PLEKHA6: variants seen among roughly 807,000 people sequenced by gnomAD.
The protein encoded by PLEKHA6 is pleckstrin homology domain containing A6.
Under a neutral mutation model 116.7 loss-of-function variants are expected in PLEKHA6, and 60 were observed. That is an observed-to-expected ratio of 0.51 (90% CI 0.42 to 0.64). The LOEUF (loss-of-function observed/expected upper bound fraction) is 0.64. PLEKHA6 is among the 30% of genes least tolerant of loss of function. PLEKHA6 has a pLI of 0.00. For missense variants in PLEKHA6, 1,338 were observed against 1,422.7 expected, an observed-to-expected ratio of 0.94 and a Z score of 0.96; for synonymous variants, 489 against 556.1, an observed-to-expected ratio of 0.88 and a Z score of 1.70.
chr1:204,231,354 C>T (rs1661155966), intron 17 of PLEKHA6, among the ~76,000 whole-genome samples: 1 of 152,110 alleles, frequency 6.6e-6, no homozygotes, highest in African/African-American at 2.4e-5. Flanking sequence ...TAGAGTTATG[C>T]CTCAGTATCC....
intron 1 of PLEKHA6, among the ~76,000 whole-genome samples, chr1:204,285,822 G>A (rs1461284946): frequency 1.3e-5 from 2 of 152,198 alleles, no homozygotes; most frequent in African/African-American, 4.8e-5. Context: ...GAGAAGAGTT[G>A]GAGAAGGAAG....
intron 1 of PLEKHA6, among the ~76,000 whole-genome samples, chr1:204,298,869 T>C (rs900733033): frequency 1.7e-4 from 26 of 152,222 alleles, no homozygotes; most frequent in Admixed American, 9.2e-4. Flanking sequence ...GGCAATTCTA[T>C]TGGTGATGTG....
In PLEKHA6 at chr1:204,261,414, C is replaced by T. The variant is rs1389865747; in HGVS notation, c.416G>A (p.Ser139Asn). ...CTCTTGCTCCTCGGGGCTCTCGGCA[C>T]TGAAGAAGTAGGTGCGGACCCCGGC... Reference protein sequence around the residue: ...EHAGVRTYFFSAESPEEQEAW... With the variant: ...EHAGVRTYFFNAESPEEQEAW... The change falls in exon 7 of 23, where the codon AGT becomes AAT. Residue 139 changes from serine to asparagine, a missense_variant. Physicochemically the swap from Ser to Asn is conservative, Grantham distance 46. Around this residue, in one of 3 missense-constraint regions of PLEKHA6, gnomAD observed 140 missense variants for 197.4 expected, o/e 0.71. Coordinates refer to ENST00000272203, the MANE Select transcript of PLEKHA6 (RefSeq NM_014935.5). The surrounding 1 kb of genome is among the most constrained non-coding windows in gnomAD (Gnocchi z 4.0). The T allele has an allele frequency of 6.2e-7, 1 of 1,613,800 alleles. No individual in the cohort carries two copies.
Position 204,259,628 on chromosome 1 carries a change from C to A in PLEKHA6, c.637G>T (p.Gly213Cys), listed in dbSNP as rs780940818. The A allele has an allele frequency of 1.2e-6, 2 of 1,614,192 alleles. No homozygotes were observed. The highest frequency in any genetic ancestry group is 1.7e-6 in the Non-Finnish European group (2 of 1,180,042). The change falls in exon 8 of 23, where the codon GGC becomes TGC. Residue 213 changes from glycine to cysteine, a missense_variant. Coordinates refer to ENST00000272203, the MANE Select transcript of PLEKHA6 (RefSeq NM_014935.5). The surrounding 1 kb of genome is among the most constrained non-coding windows in gnomAD (Gnocchi z 4.6). ...CTCTCTGCCTTCTCACAGCCTCGGC[C>A]ATCACCCTCCCCTCGAGTCTTGGCC... ...PEAKTRGEGD[G>C]RGCEKAERRP...
intron 17 of PLEKHA6, among the ~76,000 whole-genome samples, chr1:204,235,655 C>A (rs554794700): frequency 7.9e-5 from 12 of 152,092 alleles, no homozygotes; most frequent in Non-Finnish European, 1.6e-4. Flanking sequence ...GAATGGGACT[C>A]TGAAACTTAG....
chr1:204,373,435 G>A (rs1428587409), intron 1 of PLEKHA6, among the ~76,000 whole-genome samples: 1 of 151,978 alleles, frequency 6.6e-6, no homozygotes, highest in Non-Finnish European at 1.5e-5. Context: ...GCCCAGGTTG[G>A]TTACAAACTC....
intron 1 of PLEKHA6, among the ~76,000 whole-genome samples, chr1:204,349,968 C>T (rs1404209352): frequency 3.3e-5 from 5 of 152,194 alleles, no homozygotes; most frequent in Non-Finnish European, 5.9e-5. Context: ...AAGGGTAACA[C>T]GCATGTGCTC....
intron 1 of PLEKHA6, among the ~76,000 whole-genome samples, chr1:204,339,263 C>T (rs1039544963): frequency 5.5e-4 from 84 of 152,202 alleles, no homozygotes; most frequent in African/African-American, 2.0e-3. Flanking sequence ...AGGATGGCCA[C>T]GGCCGGAAAT....
chr1:204,278,177 T>G (rs1228617842), intron 1 of PLEKHA6, among the ~76,000 whole-genome samples: 1 of 152,250 alleles, frequency 6.6e-6, no homozygotes, highest in Non-Finnish European at 1.5e-5. Flanking sequence ...ATCCTTGGAC[T>G]GCAAGGGCCT....
intron 1 of PLEKHA6, among the ~76,000 whole-genome samples, chr1:204,374,527 C>G (rs1248485332): frequency 6.6e-6 from 1 of 152,188 alleles, no homozygotes; most frequent in African/African-American, 2.4e-5. Flanking sequence ...TCCTTTAATA[C>G]TTGTCTTCCT....
At chr1:204,327,225 T>C (rs1250008169) in intron 1 of PLEKHA6, among the ~76,000 whole-genome samples, 1 of 152,196 alleles carries the variant, frequency 6.6e-6, no homozygotes, top group African/African-American at 2.4e-5. Context: ...TTCTTCCTCG[T>C]TTAATGCCCA....
At chr1:204,341,176 T>C (rs1374685199) in intron 1 of PLEKHA6, among the ~76,000 whole-genome samples, 2 of 152,170 alleles carry the variant, frequency 1.3e-5, no homozygotes, top group Non-Finnish European at 2.9e-5. Context: ...TCCTCTTGGA[T>C]CAGGAAGGCA....
intron 1 of PLEKHA6, among the ~76,000 whole-genome samples, chr1:204,329,527 C>T (rs1332577338): frequency 6.6e-6 from 1 of 152,188 alleles, no homozygotes; most frequent in Non-Finnish European, 1.5e-5. Flanking sequence ...ATCATCTAGG[C>T]TGCCAATATC....
At chr1:204,255,521 A>G (rs1665156174) in intron 9 of PLEKHA6, 2 of 670,026 alleles carry the variant, frequency 3.0e-6, no homozygotes, top group Admixed American at 2.2e-5. Flanking sequence ...TCCTGCTTGC[A>G]CCAACAAAGG....
chr1:204,268,515 C>T (rs944774358), intron 3 of PLEKHA6, among the ~76,000 whole-genome samples: 1 of 151,296 alleles, frequency 6.6e-6, no homozygotes, highest in East Asian at 1.9e-4. Context: ...TTTCTCATTT[C>T]TAAAATAGGG....
intron 3 of PLEKHA6, among the ~76,000 whole-genome samples, chr1:204,366,919 G>C (rs1673672238): frequency 1.3e-5 from 2 of 152,232 alleles, no homozygotes; most frequent in Admixed American, 1.3e-4. Context: ...GAAAGGGGAT[G>C]AGACAAGGGT....
chr1:204,223,390 A>T lies in PLEKHA6; in HGVS notation c.*8+72T>A. 1 of 772,516 alleles carries T rather than the reference A, an allele frequency of 1.3e-6. No homozygotes were observed. Among genetic ancestry groups the T allele is most frequent in the Non-Finnish European group, 2.3e-6 (1 of 435,056 alleles). The allele number at this position is 772,516 out of a possible 1,614,324, so 47.9% of individuals were successfully genotyped here. ...AAGCAATACCAAAATGAGAGGGCAT[A>T]GATGGCTCAATGGGGGTGAAGGAAG... On this transcript the variant is annotated intron_variant, in intron 22 of 22. Transcript: ENST00000272203. The surrounding 1 kb of genome is among the most constrained non-coding windows in gnomAD (Gnocchi z 4.8).
At position 204,339,240 on chromosome 1, in the gene PLEKHA6, G is replaced by T. The variant is rs146741402; in HGVS notation, c.-95+20454C>A. On this transcript the variant is annotated intron_variant, in intron 1 of 22. Transcript: ENST00000272203. ...AGGAGCCTCCCTGGCAGCCCAGCCA[G>T]TCGAGCCTTCAGAGGATGGCCACGG... is the stretch of plus-strand genomic sequence containing the variant. Among the ~76,000 whole-genome samples the T allele has an allele frequency of 2.3e-3, 349 of 152,324 alleles. 4 individuals carry two copies. The highest frequency in any genetic ancestry group is 0.017 in the Admixed American group (264 of 15,308).
chr1:204,222,247 G>C lies in PLEKHA6; in HGVS notation c.*541C>G, dbSNP rs1659726400. The C allele has an allele frequency of 6.5e-6, 1 of 152,746 alleles. No homozygotes were observed. Among genetic ancestry groups the C allele is most frequent in the African/African-American group, 2.4e-5 (1 of 41,404 alleles). The allele number at this position is 152,746 out of a possible 1,614,324, so 9.5% of individuals were successfully genotyped here. A position where few individuals can be genotyped will look rare whatever the true frequency, so the allele number is the denominator to read the frequency against. Reference sequence around the variant, plus strand: ...CGAGCACCCATAAGCAAAGCACTGGGTTTGTGTCAAAGCCCTGGGTCCAGC... The same window carrying C: ...CGAGCACCCATAAGCAAAGCACTGGCTTTGTGTCAAAGCCCTGGGTCCAGC... On this transcript the variant is annotated 3_prime_UTR_variant, in exon 23 of 23. Coordinates refer to ENST00000272203, the MANE Select transcript of PLEKHA6 (RefSeq NM_014935.5).
Sources: gnomAD v4.1 joint callset for allele counts (sites outside exome capture counted in the v4.1 genomes callset) on GRCh38, gnomAD v4.1.1 for gene constraint, gnomAD v4.1.1 regional missense constraint, Gnocchi (gnomAD v3.1) non-coding constraint, MANE v1.5 for transcripts, NCBI Gene and HGNC (gene_info 2026-07-23, HGNC 2026-07-21) for gene names.